ZNF525: variants seen among roughly 807,000 people sequenced by gnomAD.
ZNF525 encodes zinc finger protein 525.
ZNF525 carries 33 observed loss-of-function variants against 37.6 expected under a neutral mutation model. The observed-to-expected ratio is 0.88, with a 90% CI of 0.67 to 1.17. ZNF525 has a LOEUF of 1.17. Ranked by LOEUF, ZNF525 falls within the 50% of genes most tolerant of loss-of-function variation. The pLI is 0.00. For missense variants in ZNF525, 449 were observed against 543.1 expected (o/e 0.83, Z 1.72); for synonymous variants, 170 against 182.3 (o/e 0.93, Z 0.54).
intron 3 of ZNF525, among the ~76,000 whole-genome samples, chr19:53,376,799 C>T (rs998153458): frequency 6.6e-6 from 1 of 152,226 alleles, no homozygotes; most frequent in East Asian, 1.9e-4. Context: ...GGTGAAACTC[C>T]GTCTCTACTA....
Position 53,368,460 on chromosome 19 carries a change from G to A in ZNF525, c.-68+2701G>A, listed in dbSNP as rs73057071. On this transcript the variant is annotated intron_variant, in intron 1 of 3. Coordinates refer to ENST00000474037, the MANE Select transcript of ZNF525 (RefSeq NM_001348156.2). ...AGAAGTTTTTAAGAGCTAGGGGCTTGAAACTGTGGGCATTGCTTTGGGGGA... is the reference window on the plus strand; with the variant it reads ...AGAAGTTTTTAAGAGCTAGGGGCTTAAAACTGTGGGCATTGCTTTGGGGGA... Among the ~76,000 whole-genome samples, 505 of 152,328 alleles carry A rather than the reference G, an allele frequency of 3.3e-3. 1 individual carries two copies. Among genetic ancestry groups the A allele is most frequent in the South Asian group, 5.0e-3 (24 of 4,824 alleles).
At chr19:53,366,653 G>T (rs989134262) in intron 1 of ZNF525, among the ~76,000 whole-genome samples, 2 of 151,824 alleles carry the variant, frequency 1.3e-5, no homozygotes, top group African/African-American at 4.9e-5. Context: ...GGACAGCAAA[G>T]AGGGAGGCTC....
In ZNF525 at chr19:53,382,342, T is replaced by G. The variant is rs2085572728; in HGVS notation, c.*323T>G. The G allele has an allele frequency of 1.6e-6, 2 of 1,283,150 alleles. No individual in the cohort carries two copies. Among genetic ancestry groups the G allele is most frequent in the African/African-American group, 2.9e-5 (2 of 68,254 alleles). 79.5% of individuals were successfully genotyped at this position (1,283,150 alleles called of 1,614,324 possible). A position where few individuals can be genotyped will look rare whatever the true frequency, so the allele number is the denominator to read the frequency against. On this transcript the variant is annotated 3_prime_UTR_variant, in exon 4 of 4. Coordinates refer to ENST00000474037, the MANE Select transcript of ZNF525 (RefSeq NM_001348156.2). The stretch of plus-strand genomic sequence containing the variant: ...AAATGTGAAGAATGTGATGAAACTT[T>G]CAGATACAAATCAAATCTTGAAAGA...
At chr19:53,366,645 A>G (rs8107280) in intron 1 of ZNF525, among the ~76,000 whole-genome samples, 32,891 of 148,688 alleles carry the variant, frequency 0.22, 4,535 homozygotes, top group African/African-American at 0.41. Context: ...AGGGAGAGGG[A>G]CAGCAAAGAG....
chr19:53,376,679 C>G (rs1365718071), intron 3 of ZNF525, among the ~76,000 whole-genome samples: 1 of 152,114 alleles, frequency 6.6e-6, no homozygotes, highest in Non-Finnish European at 1.5e-5. Flanking sequence ...ATCTCGGGCT[C>G]AAACAATTCT....
chr19:53,376,666 C>T (rs2085524657), intron 3 of ZNF525, among the ~76,000 whole-genome samples: 1 of 152,190 alleles, frequency 6.6e-6, no homozygotes, highest in South Asian at 2.1e-4. Flanking sequence ...CAGCCGGCTC[C>T]ACATCTCGGG....
intron 1 of ZNF525, among the ~76,000 whole-genome samples, chr19:53,371,199 T>C (rs1466684289): frequency 2.0e-5 from 1 of 49,138 alleles, no homozygotes; most frequent in African/African-American, 4.3e-5. Context: ...TCAGAAACGC[T>C]TTTTTTTTTT....
chr19:53,374,456 C>T (rs1487963545), intron 2 of ZNF525, among the ~76,000 whole-genome samples: 2 of 152,180 alleles, frequency 1.3e-5, no homozygotes, highest in Non-Finnish European at 2.9e-5. Flanking sequence ...CTGCACGTGC[C>T]TGCATTCCTA....
intron 2 of ZNF525, among the ~76,000 whole-genome samples, 186 bp from the exon 3 acceptor site, chr19:53,375,584 C>CA (rs894503157): frequency 6.6e-6 from 1 of 150,964 alleles, no homozygotes; most frequent in Non-Finnish European, 1.5e-5. Context: ...GACTCTGTCT[C>CA]AAAAAAAATA....
intron 3 of ZNF525, 35 bp from the exon 4 acceptor site, chr19:53,380,687 T>A: frequency 1.1e-6 from 1 of 945,316 alleles, no homozygotes; most frequent in Non-Finnish European, 1.6e-6. Context: ...ATCAGTATTG[T>A]CTTTTGTGTA....
chr19:53,378,976 A>T (rs1223741177), intron 3 of ZNF525, among the ~76,000 whole-genome samples: 1 of 152,158 alleles, frequency 6.6e-6, no homozygotes, highest in African/African-American at 2.4e-5. Context: ...CCCAGTACAC[A>T]TTCTATGTTT....
chr19:53,373,656 T>A (rs536618205), intron 2 of ZNF525, among the ~76,000 whole-genome samples: 1 of 98,706 alleles, frequency 1.0e-5, no homozygotes, highest in African/African-American at 4.2e-5. Flanking sequence ...AATTACAAAA[T>A]TTTTTTTTTA....
chr19:53,370,863 A>C (rs1157969016), intron 1 of ZNF525, among the ~76,000 whole-genome samples: 2 of 152,170 alleles, frequency 1.3e-5, no homozygotes, highest in African/African-American at 4.8e-5. Context: ...ACAAAAGCCC[A>C]ACTCCTCACT....
Position 53,384,967 on chromosome 19 carries a change from T to G in ZNF525, c.*2948T>G. Reference sequence around the variant, plus strand: ...GGTAAATTTCCTTTTCTATTTTGTTTAGGATTTCTATGATGACTGGATTTT... The same window carrying G: ...GGTAAATTTCCTTTTCTATTTTGTTGAGGATTTCTATGATGACTGGATTTT... On this transcript the variant is annotated 3_prime_UTR_variant, in exon 4 of 4. Coordinates refer to ENST00000474037, the MANE Select transcript of ZNF525 (RefSeq NM_001348156.2). The G allele has an allele frequency of 1.4e-6, 1 of 702,456 alleles. No individual in the cohort carries two copies. Among genetic ancestry groups the G allele is most frequent in the Non-Finnish European group, 2.6e-6 (1 of 384,820 alleles). 43.5% of individuals were successfully genotyped at this position (702,456 alleles called of 1,614,324 possible).
chr19:53,379,130 C>G (rs1468424322), intron 3 of ZNF525, among the ~76,000 whole-genome samples: 1 of 146,374 alleles, frequency 6.8e-6, no homozygotes, highest in Non-Finnish European at 1.5e-5. Flanking sequence ...TTTTTTTTTT[C>G]TTAGAGACGA....
chr19:53,382,941 C>T lies in ZNF525; in HGVS notation c.*922C>T. ...GGTAAGATGTTCAGTCAAAATTCGG[C>T]CCTTGTAATTCATAAGGCAATTCAT... is the stretch of plus-strand genomic sequence containing the variant. On this transcript the variant is annotated 3_prime_UTR_variant, in exon 4 of 4. Transcript: ENST00000474037. 1 of 1,505,852 alleles carries T rather than the reference C, an allele frequency of 6.6e-7. No homozygotes were observed. The highest frequency in any genetic ancestry group is 1.1e-5 in the South Asian group (1 of 89,170). The allele number at this position is 1,505,852 out of a possible 1,614,324, so 93.3% of individuals were successfully genotyped here. A position where few individuals can be genotyped will look rare whatever the true frequency, so the allele number is the denominator to read the frequency against.
At chr19:53,379,674 T>C (rs2085545370) in intron 3 of ZNF525, among the ~76,000 whole-genome samples, 1 of 152,252 alleles carries the variant, frequency 6.6e-6, no homozygotes, top group Non-Finnish European at 1.5e-5. Flanking sequence ...CGGTATGTGG[T>C]ATGCAATATA....
In ZNF525 at chr19:53,381,027, GA is replaced by G. The variant is rs2085556630; in HGVS notation, c.450del (p.Glu150AspfsTer48). ...LGSSFHSHLS[E>X]LHIFQPKGKI... ...ATCAAGCTTTCATTCACATCTGTCT[GA>G]ACTCCACATATTTCAGCCCAAAGGG... is the stretch of plus-strand genomic sequence containing the variant. On this transcript the variant is annotated frameshift_variant, in exon 4 of 4. Transcript: ENST00000474037. LOFTEE classifies it high-confidence loss of function. 2.5e-6 allele frequency: 4 copies of G among 1,571,204 alleles called. No homozygotes were observed. In the South Asian group the frequency reaches 4.4e-5, roughly 17 times the overall value.
In ZNF525 at chr19:53,382,597, G is replaced by A; in HGVS notation, c.*578G>A. ...ATGAGTGTGGCAAAACCTTTCATAGGCAGTCAGCGCTTATTTACCATCAAG... is the reference window on the plus strand; with the variant it reads ...ATGAGTGTGGCAAAACCTTTCATAGACAGTCAGCGCTTATTTACCATCAAG... On this transcript the variant is annotated 3_prime_UTR_variant, in exon 4 of 4. Coordinates refer to ENST00000474037, the MANE Select transcript of ZNF525 (RefSeq NM_001348156.2). 3 of 662,288 alleles carry A rather than the reference G, an allele frequency of 4.5e-6. No homozygotes were observed. The highest frequency in any genetic ancestry group is 8.5e-6 in the Non-Finnish European group (3 of 353,386). 41.0% of individuals were successfully genotyped at this position (662,288 alleles called of 1,614,324 possible).
Sources: gnomAD v4.1 joint callset for allele counts (sites outside exome capture counted in the v4.1 genomes callset) on GRCh38, gnomAD v4.1.1 for gene constraint, MANE v1.5 for transcripts, NCBI Gene and HGNC (gene_info 2026-07-23, HGNC 2026-07-21) for gene names.